Variants in TAS2R1 observed in about 807,000 individuals in gnomAD.
TAS2R1 encodes the protein taste 2 receptor member 1.
For missense variants in TAS2R1, 370 were observed against 353.4 expected (o/e 1.05, Z -0.38); for synonymous variants, 141 against 134.2 (o/e 1.05, Z -0.35).
At chr5:9,687,502 A>C (rs1432440501) in intron 1 of TAS2R1, among the ~76,000 whole-genome samples, 1 of 152,016 alleles carries the variant, frequency 6.6e-6, no homozygotes, top group Non-Finnish European at 1.5e-5. Flanking sequence ...CCCTCTGACC[A>C]TTCGCCCCAC....
At chr5:9,672,248 A>G (rs418371) in intron 1 of TAS2R1, among the ~76,000 whole-genome samples, 46,641 of 152,070 alleles carry the variant, frequency 0.31, 8,748 homozygotes, top group Non-Finnish European at 0.43. Context: ...TTTCATGATG[A>G]AGATGCCAAA....
the TAS2R1 span, among the ~76,000 whole-genome samples, chr5:9,773,332 C>CTT: frequency 1.3e-5 from 2 of 151,400 alleles, no homozygotes; most frequent in South Asian, 2.1e-4. Flanking sequence ...CTCTTTTTAA[C>CTT]TTTTTTTTTG....
the TAS2R1 span, among the ~76,000 whole-genome samples, chr5:9,808,811 G>A: frequency 2.0e-5 from 3 of 152,164 alleles, no homozygotes; most frequent in South Asian, 2.1e-4. Flanking sequence ...TGGTCTCAAA[G>A]GATGGGGCTA....
chr5:9,837,256 C>G, the TAS2R1 span, among the ~76,000 whole-genome samples: 2 of 152,144 alleles, frequency 1.3e-5, no homozygotes, highest in Non-Finnish European at 1.5e-5. Flanking sequence ...AGTGAGGAGA[C>G]CCCCGCATCC....
At chr5:9,803,244 T>C in the TAS2R1 span, among the ~76,000 whole-genome samples, 2 of 152,200 alleles carry the variant, frequency 1.3e-5, no homozygotes, top group East Asian at 1.9e-4. Context: ...TTTGGGACTA[T>C]GTTAAATGTT....
At chr5:9,766,066 C>A in the TAS2R1 span, among the ~76,000 whole-genome samples, 1 of 152,140 alleles carries the variant, frequency 6.6e-6, no homozygotes, top group Non-Finnish European at 1.5e-5. Context: ...TCTTCATTAT[C>A]TCCAAATAAA....
chr5:9,861,194 C>T, the TAS2R1 span, among the ~76,000 whole-genome samples: 5 of 151,954 alleles, frequency 3.3e-5, no homozygotes, highest in South Asian at 6.2e-4. Flanking sequence ...CATTCTTTCA[C>T]GCTGGTGGAA....
the TAS2R1 span, among the ~76,000 whole-genome samples, chr5:9,834,166 G>A: frequency 3.3e-5 from 5 of 152,098 alleles, no homozygotes; most frequent in African/African-American, 9.7e-5. Flanking sequence ...CTGTTTCTGC[G>A]TCAAGCGCTC....
the TAS2R1 span, among the ~76,000 whole-genome samples, chr5:9,831,281 T>C: frequency 6.6e-6 from 1 of 152,114 alleles, no homozygotes; most frequent in East Asian, 1.9e-4. Flanking sequence ...TAGTATTATA[T>C]CATGAGGAAA....
chr5:9,813,712 T>A, the TAS2R1 span, among the ~76,000 whole-genome samples: 1 of 152,232 alleles, frequency 6.6e-6, no homozygotes, highest in Non-Finnish European at 1.5e-5. Context: ...AATAAAGTCA[T>A]ATATGACTTC....
the TAS2R1 span, among the ~76,000 whole-genome samples, chr5:9,852,283 T>C: frequency 1.3e-5 from 2 of 152,332 alleles, no homozygotes; most frequent in African/African-American, 4.8e-5. Flanking sequence ...CTAGTTGTTT[T>C]TTTTTTCAAA....
intron 1 of TAS2R1, among the ~76,000 whole-genome samples, chr5:9,685,080 C>T (rs1185901279): frequency 1.3e-5 from 2 of 152,078 alleles, no homozygotes; most frequent in African/African-American, 4.8e-5. Context: ...AATTCATAAG[C>T]CCATGGACTG....
At chr5:9,880,695 T>C in the TAS2R1 span, among the ~76,000 whole-genome samples, 5 of 152,106 alleles carry the variant, frequency 3.3e-5, no homozygotes, top group East Asian at 3.8e-4. Flanking sequence ...AGAATAGCCA[T>C]GTAGACAACA....
At chr5:9,653,371 T>C (rs1288400921) in intron 2 of TAS2R1, among the ~76,000 whole-genome samples, 4 of 152,208 alleles carry the variant, frequency 2.6e-5, no homozygotes, top group Non-Finnish European at 5.9e-5. Flanking sequence ...CTCAATAATG[T>C]TCCATTTTAT....
the TAS2R1 span, among the ~76,000 whole-genome samples, chr5:9,849,469 G>C: frequency 6.6e-6 from 1 of 152,190 alleles, no homozygotes; most frequent in African/African-American, 2.4e-5. Context: ...TAAAGCAAGA[G>C]AAGTGATGTA....
the TAS2R1 span, among the ~76,000 whole-genome samples, chr5:9,778,318 T>A: frequency 1.3e-5 from 2 of 152,366 alleles, no homozygotes; most frequent in East Asian, 3.9e-4. Context: ...CAGGCTTTGT[T>A]GTTTCATTTA....
intron 1 of TAS2R1, among the ~76,000 whole-genome samples, chr5:9,668,837 TAAA>T (rs1180127897): frequency 6.7e-6 from 1 of 148,326 alleles, no homozygotes. Context: ...TCAGCACTAT[TAAA>T]AAAAAAACCA....
the TAS2R1 span, among the ~76,000 whole-genome samples, chr5:9,748,351 C>G: frequency 0.016 from 2,429 of 152,168 alleles, 57 homozygotes; most frequent in African/African-American, 0.053. Flanking sequence ...TGGTTTAAAA[C>G]AATTTAAAAA....
At chr5:9,672,301 TAA>T (rs1657116594) in intron 1 of TAS2R1, among the ~76,000 whole-genome samples, 1 of 151,768 alleles carries the variant, frequency 6.6e-6, no homozygotes, top group Non-Finnish European at 1.5e-5. Flanking sequence ...GGGATCTAAT[TAA>T]GAGCTTCCGC....
Sources: allele counts gnomAD v4.1 joint callset (sites outside exome capture counted in the v4.1 genomes callset), GRCh38; gene constraint gnomAD v4.1.1; transcripts MANE v1.5; gene names NCBI Gene and HGNC (gene_info 2026-07-23, HGNC 2026-07-21).